The following EPHA6 variants were observed in gnomAD, a reference collection of about 807,000 sequenced individuals.
EPHA6 encodes ephrin type-A receptor 6.
A neutral mutation model predicts 112.0 loss-of-function variants in EPHA6; 50 were observed. The ratio of observed to expected loss-of-function variants is 0.45; its 90% CI spans 0.36 to 0.56. The LOEUF is 0.56. EPHA6 is among the 20% of genes least tolerant of loss of function. The pLI is 0.00. For missense variants in EPHA6, 1,280 were observed against 1,417.4 expected, an observed-to-expected ratio of 0.90 and a Z score of 1.56; for synonymous variants, 529 against 490.7, an observed-to-expected ratio of 1.08 and a Z score of -1.03.
rs150556925 is a variant in EPHA6 at position 97,035,520 on chromosome 3, T to G, written c.1114+47527T>G. Reference sequence around the variant, plus strand: ...TCTAGTATTGTAAGTATTGCTTGTTTTTTGATTCTTTGCTATTACTTCCTT... The same window carrying G: ...TCTAGTATTGTAAGTATTGCTTGTTGTTTGATTCTTTGCTATTACTTCCTT... On this transcript the variant is annotated intron_variant, in intron 3 of 17. Transcript: ENST00000389672. 6.7e-4 allele frequency among the ~76,000 whole-genome samples: 102 copies of G among 152,158 alleles called. No individual in the cohort carries two copies. The East Asian group carries it at 0.018, about 26-fold the overall frequency.
At chr3:97,719,157 A>G (rs967031457) in intron 14 of EPHA6, among the ~76,000 whole-genome samples, 4 of 133,654 alleles carry the variant, frequency 3.0e-5, no homozygotes, top group African/African-American at 1.1e-4. Flanking sequence ...TTCACCTTTA[A>G]AGATATTTAA....
intron 5 of EPHA6, among the ~76,000 whole-genome samples, chr3:97,333,468 CTTTTTTT>C (rs869258362): frequency 4.0e-5 from 3 of 75,880 alleles, no homozygotes; most frequent in Admixed American, 1.5e-4. Context: ...TATGGCTTTT[CTTTTTTT>C]TTTTTTTTTT....
chr3:97,550,634 C>A (rs1198846965), intron 11 of EPHA6, among the ~76,000 whole-genome samples: 1 of 152,046 alleles, frequency 6.6e-6, no homozygotes, highest in African/African-American at 2.4e-5. Context: ...GCATCGAGAG[C>A]CTTGCTTGGG....
intron 10 of EPHA6, among the ~76,000 whole-genome samples, chr3:97,501,429 T>C (rs1432515299): frequency 6.6e-6 from 1 of 152,012 alleles, no homozygotes; most frequent in Admixed American, 6.5e-5. Context: ...AAGAAATTTG[T>C]AACAAATTTT....
intron 12 of EPHA6, among the ~76,000 whole-genome samples, chr3:97,606,452 G>C (rs1331354606): frequency 6.6e-6 from 1 of 151,258 alleles, no homozygotes; most frequent in Non-Finnish European, 1.5e-5. Flanking sequence ...AACTAGAAAG[G>C]GTTTAATAAA....
intron 7 of EPHA6, among the ~76,000 whole-genome samples, chr3:97,454,340 C>T (rs1484743372): frequency 6.6e-6 from 1 of 151,472 alleles, no homozygotes; most frequent in Admixed American, 6.6e-5. Context: ...TAGTTAGGTT[C>T]CAATATACAT....
chr3:97,031,028 G>A (rs1213871771), intron 3 of EPHA6, among the ~76,000 whole-genome samples: 2 of 152,084 alleles, frequency 1.3e-5, no homozygotes, highest in East Asian at 1.9e-4. Context: ...CAGGGGAGGA[G>A]TGACTGTGAA....
At chr3:96,837,246 T>A (rs373669817) in intron 1 of EPHA6, among the ~76,000 whole-genome samples, 2 of 152,214 alleles carry the variant, frequency 1.3e-5, no homozygotes, top group Admixed American at 6.5e-5. Context: ...CAGAAATACA[T>A]AAACTAGTTA....
intron 6 of EPHA6, among the ~76,000 whole-genome samples, chr3:97,440,501 T>C (rs1159375122): frequency 1.3e-5 from 2 of 151,474 alleles, no homozygotes; most frequent in African/African-American, 2.4e-5. Context: ...TCAACAAATT[T>C]CCTGTAGCAG....
At chr3:96,911,737 T>C (rs1410576649) in intron 2 of EPHA6, among the ~76,000 whole-genome samples, 4 of 152,104 alleles carry the variant, frequency 2.6e-5, no homozygotes, top group African/African-American at 7.2e-5. Flanking sequence ...GTCATTTAAA[T>C]TAATCTATAG....
At position 97,646,342 on chromosome 3, in the gene EPHA6, T is replaced by C. The variant is rs1167461986; in HGVS notation, c.2784+8260T>C. ...CTTTCAGAGCCCCGTTTAAAAATCC[T>C]ATACATGTAATATATAAGACAGTAT... is the stretch of plus-strand genomic sequence containing the variant. On this transcript the variant is annotated intron_variant, in intron 14 of 17. Transcript: ENST00000389672. The C allele has an allele frequency of 2.8e-6, 4 of 1,431,702 alleles. No homozygotes were observed. The African/African-American group carries it at 5.8e-5, about 21-fold the overall frequency. The allele number at this position is 1,431,702 out of a possible 1,614,324, so 88.7% of individuals were successfully genotyped here. A position where few individuals can be genotyped will look rare whatever the true frequency, so the allele number is the denominator to read the frequency against.
chr3:97,567,550 T>C (rs568082453), intron 11 of EPHA6, among the ~76,000 whole-genome samples: 85 of 152,236 alleles, frequency 5.6e-4, no homozygotes, highest in African/African-American at 1.9e-3. Context: ...CCCCAGAATA[T>C]GACCAATGAA....
At chr3:97,575,297 G>C (rs2107249885) in intron 11 of EPHA6, among the ~76,000 whole-genome samples, 1 of 152,216 alleles carries the variant, frequency 6.6e-6, no homozygotes, top group African/African-American at 2.4e-5. Context: ...GGAAGAAAAT[G>C]GTTGGATAAA....
intron 6 of EPHA6, among the ~76,000 whole-genome samples, chr3:97,442,743 A>C (rs1445942375): frequency 6.6e-6 from 1 of 152,216 alleles, no homozygotes; most frequent in Non-Finnish European, 1.5e-5. Context: ...AAAAATATTA[A>C]GGACTCTTTC....
intron 2 of EPHA6, among the ~76,000 whole-genome samples, chr3:96,910,838 G>A (rs2039180499): frequency 6.6e-6 from 1 of 151,920 alleles, no homozygotes. Flanking sequence ...ATAACAGTGT[G>A]GGTTCCATGA....
chr3:96,909,523 A>G (rs1383691283), intron 2 of EPHA6, among the ~76,000 whole-genome samples: 3 of 151,976 alleles, frequency 2.0e-5, no homozygotes, highest in African/African-American at 7.2e-5. Context: ...ATGTATGATT[A>G]TAATAAAAAT....
At chr3:96,995,131 T>C (rs1189868193) in intron 3 of EPHA6, among the ~76,000 whole-genome samples, 1 of 152,016 alleles carries the variant, frequency 6.6e-6, no homozygotes, top group African/African-American at 2.4e-5. Context: ...AAGAGTGTTG[T>C]TATTAAGGCT....
At chr3:96,931,018 A>AAAAAGAAAGAAAAGAAG (rs796531853) in intron 2 of EPHA6, among the ~76,000 whole-genome samples, 1 of 84,564 alleles carries the variant, frequency 1.2e-5, no homozygotes, top group East Asian at 3.6e-4. Flanking sequence ...AAAAAAAAAA[A>AAAAAGAAAGAAAAGAAG]AAAGAAAAGC....
intron 3 of EPHA6, among the ~76,000 whole-genome samples, chr3:97,154,104 G>T (rs925349295): frequency 2.0e-5 from 3 of 151,498 alleles, no homozygotes; most frequent in Non-Finnish European, 4.4e-5. Context: ...GATGGAGGTT[G>T]CAGCGAGCCG....
Sources: allele counts gnomAD v4.1 joint callset (sites outside exome capture counted in the v4.1 genomes callset), GRCh38; gene constraint gnomAD v4.1.1; transcripts MANE v1.5; gene names NCBI Gene and HGNC (gene_info 2026-07-23, HGNC 2026-07-21).